Variants in XRN2 observed in about 807,000 individuals in gnomAD.
XRN2 encodes the protein DHM1-like protein.
XRN2 carries 44 observed loss-of-function variants against 138.5 expected under a neutral mutation model. The observed-to-expected ratio is 0.32, with a 90% confidence interval of 0.25 to 0.41. XRN2 has a LOEUF of 0.41. Among genes scored for constraint, XRN2 ranks in the 10% least tolerant of loss-of-function variants. XRN2 has a pLI of 1.00. For synonymous variants in XRN2, 354 were observed against 369.4 expected, an observed-to-expected ratio of 0.96 and a Z score of 0.48; for missense variants, 937 against 1,169.3, an observed-to-expected ratio of 0.80 and a Z score of 2.90.
At position 21,340,855 on chromosome 20, in the gene XRN2, A is replaced by G. The variant is rs753749758; in HGVS notation, c.1410+3A>G. 3.4e-5 allele frequency: 55 copies of G among 1,613,712 alleles called. No homozygotes were observed. The highest frequency in any genetic ancestry group is 4.2e-5 in the Non-Finnish European group (50 of 1,179,778). On this transcript the variant is annotated splice_donor_region_variant and intron_variant, in intron 15 of 29. Coordinates refer to ENST00000377191, the MANE Select transcript of XRN2 (RefSeq NM_012255.5). ...AAATGAGGATGCAGAATAACTCTGTAAGTGGCTTACTTTTATGTGACATTT... is the reference window on the plus strand; with the variant it reads ...AAATGAGGATGCAGAATAACTCTGTGAGTGGCTTACTTTTATGTGACATTT...
intron 27 of XRN2, among the ~76,000 whole-genome samples, chr20:21,374,261 A>C (rs2038794250): frequency 6.6e-6 from 1 of 152,096 alleles, no homozygotes; most frequent in Non-Finnish European, 1.5e-5. Context: ...TGTCATCTCC[A>C]AGTAGTGACC....
At chr20:21,360,564 G>A (rs191444830) in intron 24 of XRN2, among the ~76,000 whole-genome samples, 3 of 151,828 alleles carry the variant, frequency 2.0e-5, no homozygotes, top group African/African-American at 7.3e-5. Flanking sequence ...TTTGAAGAGC[G>A]TAAACTTTTT....
chr20:21,353,156 TATATA>T (rs991296676), intron 20 of XRN2, among the ~76,000 whole-genome samples: 40 of 146,320 alleles, frequency 2.7e-4, no homozygotes, highest in South Asian at 1.3e-3. Flanking sequence ...TAATATTTAA[TATATA>T]ATATAATATA....
At chr20:21,319,980 G>A (rs2038014954) in intron 1 of XRN2, among the ~76,000 whole-genome samples, 1 of 152,128 alleles carries the variant, frequency 6.6e-6, no homozygotes. Context: ...TGTGCTTATT[G>A]TTTGCATGGA....
chr20:21,354,944 C>G, intron 21 of XRN2, 72 bp downstream of exon 21: 1 of 1,184,808 alleles, frequency 8.4e-7, no homozygotes, highest in Non-Finnish European at 1.2e-6. Context: ...AAAATTAGAC[C>G]TTCCTTCTCC....
chr20:21,320,918 G>A (rs2038032552), intron 1 of XRN2, among the ~76,000 whole-genome samples: 1 of 152,148 alleles, frequency 6.6e-6, no homozygotes, highest in African/African-American at 2.4e-5. Flanking sequence ...TTAATCCCGA[G>A]TTTTCTTCTG....
At chr20:21,359,257 C>T (rs752459350) in intron 24 of XRN2, among the ~76,000 whole-genome samples, 11 of 152,186 alleles carry the variant, frequency 7.2e-5, no homozygotes, top group South Asian at 2.1e-4. Flanking sequence ...ACAGGCCGGG[C>T]GCGGTGGCTC....
intron 26 of XRN2, among the ~76,000 whole-genome samples, chr20:21,366,092 ATATAAC>A (rs1192988458): frequency 5.1e-5 from 6 of 118,508 alleles, no homozygotes; most frequent in African/African-American, 1.6e-4. Flanking sequence ...TAGTTTATAT[ATATAAC>A]ATATATAAAT....
intron 20 of XRN2, among the ~76,000 whole-genome samples, chr20:21,351,848 C>A (rs1049778364): frequency 1.3e-5 from 2 of 152,140 alleles, no homozygotes; most frequent in Non-Finnish European, 2.9e-5. Context: ...GACCATTCTT[C>A]CCCCCATTGA....
At position 21,354,300 on chromosome 20, in the gene XRN2, A is replaced by G. The variant is rs372749603; in HGVS notation, c.1937-489A>G. 2.6e-5 allele frequency among the ~76,000 whole-genome samples: 4 copies of G among 152,340 alleles called. No homozygotes were observed. In the East Asian group the frequency reaches 5.8e-4, roughly 22 times the overall value. On this transcript the variant is annotated intron_variant, in intron 20 of 29. Coordinates refer to ENST00000377191, the MANE Select transcript of XRN2 (RefSeq NM_012255.5). ...TAAAATGTAAAAAGAATACTATGGAATTTTAGAGCAGGAGGAGATCTATGC... is the reference window on the plus strand; with the variant it reads ...TAAAATGTAAAAAGAATACTATGGAGTTTTAGAGCAGGAGGAGATCTATGC...
intron 3 of XRN2, 113 bp from the exon 4 acceptor site, chr20:21,328,445 AC>A (rs1443572465): frequency 1.1e-5 from 11 of 999,736 alleles, no homozygotes; most frequent in Non-Finnish European, 1.6e-5. Flanking sequence ...CACATTACTT[AC>A]CTTTCTTCCA....
intron 20 of XRN2, among the ~76,000 whole-genome samples, chr20:21,354,296 T>G (rs1459826571): frequency 6.6e-6 from 1 of 152,168 alleles, no homozygotes; most frequent in Non-Finnish European, 1.5e-5. Flanking sequence ...AAGAATACTA[T>G]GGAATTTTAG....
intron 27 of XRN2, among the ~76,000 whole-genome samples, chr20:21,371,306 A>G (rs1049236697): frequency 2.0e-5 from 3 of 152,154 alleles, no homozygotes; most frequent in African/African-American, 7.2e-5. Flanking sequence ...TTTTTAGTGT[A>G]TTCACTCTCT....
chr20:21,303,625 A>T (rs1163872891), intron 1 of XRN2, 152 bp downstream of exon 1: 20 of 1,363,112 alleles, frequency 1.5e-5, no homozygotes, highest in Non-Finnish European at 1.7e-5. Flanking sequence ...CCCACACGCG[A>T]TGGGACGCGG....
At chr20:21,327,862 C>G (rs1771927633) in intron 3 of XRN2, among the ~76,000 whole-genome samples, 1 of 152,026 alleles carries the variant, frequency 6.6e-6, no homozygotes, top group Non-Finnish European at 1.5e-5. Flanking sequence ...CAGTTTCTTC[C>G]CACCCCAAAA....
intron 17 of XRN2, among the ~76,000 whole-genome samples, chr20:21,347,220 C>A (rs1285298677): frequency 6.6e-6 from 1 of 151,968 alleles, no homozygotes; most frequent in East Asian, 1.9e-4. Flanking sequence ...GAGGACAAAC[C>A]CTGGAAAATA....
intron 19 of XRN2, 143 bp from the exon 20 acceptor site, chr20:21,349,246 C>T (rs1600699425): frequency 1.6e-6 from 1 of 639,316 alleles, no homozygotes; most frequent in Admixed American, 3.1e-5. Flanking sequence ...GGATTAATGA[C>T]CTAATGTCTC....
At chr20:21,382,245 T>C (rs2038893801) in intron 28 of XRN2, among the ~76,000 whole-genome samples, 188 bp downstream of exon 28, 1 of 152,240 alleles carries the variant, frequency 6.6e-6, no homozygotes, top group Non-Finnish European at 1.5e-5. Context: ...TCATGTTTAA[T>C]ATACTTTCTT....
At chr20:21,368,418 A>C (rs751557930) in intron 26 of XRN2, 45 bp from the exon 27 acceptor site, 4 of 1,610,256 alleles carry the variant, frequency 2.5e-6, no homozygotes, top group South Asian at 2.2e-5. Flanking sequence ...TATGATGGGT[A>C]TATCACTATA....
Sources: allele counts gnomAD v4.1 joint callset (sites outside exome capture counted in the v4.1 genomes callset), GRCh38; gene constraint gnomAD v4.1.1; transcripts MANE v1.5; gene names NCBI Gene and HGNC (gene_info 2026-07-23, HGNC 2026-07-21).